Variants in MAGI2 observed in about 807,000 individuals in gnomAD.
The protein encoded by MAGI2 is membrane-associated guanylate kinase, WW and PDZ domain-containing protein 2.
Under a neutral mutation model 133.3 loss-of-function variants are expected in MAGI2, and 35 were observed. The ratio of observed to expected loss-of-function variants is 0.26; its 90% CI spans 0.20 to 0.35. The LOEUF (loss-of-function observed/expected upper bound fraction) is 0.35, where lower values mean the gene tolerates loss of function less well. Ranked by LOEUF, MAGI2 falls within the 10% of genes least tolerant of loss-of-function variation. The probability of loss-of-function intolerance (pLI) is 1.00; values close to 1 mark genes in which losing one functional copy is unlikely to be tolerated. For missense variants in MAGI2, 1,636 were observed against 1,863.4 expected, an observed-to-expected ratio of 0.88 and a Z score of 2.25; for synonymous variants, 729 against 710.6, an observed-to-expected ratio of 1.03 and a Z score of -0.41.
At chr7:78,662,409 G>T (rs953600623) in intron 2 of MAGI2, among the ~76,000 whole-genome samples, 5 of 151,998 alleles carry the variant, frequency 3.3e-5, no homozygotes, top group African/African-American at 1.2e-4. Flanking sequence ...ACCAACAATC[G>T]AAACACTAGC....
At chr7:79,146,533 A>C (rs1190420915) in intron 1 of MAGI2, among the ~76,000 whole-genome samples, 1 of 152,196 alleles carries the variant, frequency 6.6e-6, no homozygotes, top group African/African-American at 2.4e-5. Flanking sequence ...CCTACTTGTC[A>C]AGGGTGGAGC....
At chr7:78,511,585 T>G (rs1398858991) in intron 4 of MAGI2, among the ~76,000 whole-genome samples, 1 of 141,300 alleles carries the variant, frequency 7.1e-6, no homozygotes, top group East Asian at 2.0e-4. Context: ...CAGTGAAACA[T>G]GCACATGGTA....
intron 2 of MAGI2, among the ~76,000 whole-genome samples, chr7:78,944,977 G>A (rs1011077364): frequency 1.3e-5 from 2 of 151,506 alleles, no homozygotes; most frequent in African/African-American, 2.4e-5. Context: ...GGGCTCAGGC[G>A]ATCTGTCCGT....
chr7:78,157,757 T>C (rs1824541791), intron 16 of MAGI2, among the ~76,000 whole-genome samples: 1 of 152,234 alleles, frequency 6.6e-6, no homozygotes, highest in Admixed American at 6.5e-5. Flanking sequence ...GCTGTTTATA[T>C]AATTCATGAA....
chr7:79,386,642 C>T (rs1390290920), intron 1 of MAGI2, among the ~76,000 whole-genome samples: 2 of 152,044 alleles, frequency 1.3e-5, no homozygotes, highest in Admixed American at 6.6e-5. Flanking sequence ...CATTAATCTC[C>T]TCTCATGCTT....
intron 1 of MAGI2, among the ~76,000 whole-genome samples, chr7:79,366,766 C>T (rs1842731353): frequency 6.6e-6 from 1 of 152,020 alleles, no homozygotes; most frequent in Non-Finnish European, 1.5e-5. Flanking sequence ...CTATTAAATT[C>T]CAGATTCACT....
intron 2 of MAGI2, among the ~76,000 whole-genome samples, chr7:78,716,380 A>C (rs1819704006): frequency 6.6e-6 from 1 of 152,206 alleles, no homozygotes; most frequent in African/African-American, 2.4e-5. Flanking sequence ...TTGATAAGGC[A>C]CTTATGGTAG....
chr7:78,482,172 A>G (rs912569353), intron 6 of MAGI2, among the ~76,000 whole-genome samples: 1 of 151,986 alleles, frequency 6.6e-6, no homozygotes, highest in Non-Finnish European at 1.5e-5. Flanking sequence ...GCAATTAGGG[A>G]AATGCAAATT....
intron 12 of MAGI2, among the ~76,000 whole-genome samples, chr7:78,192,913 G>A (rs1233108089): frequency 2.0e-5 from 3 of 152,086 alleles, no homozygotes; most frequent in Non-Finnish European, 4.4e-5. Context: ...TGGGGAGTCA[G>A]GATGTTTGCT....
At chr7:79,397,320 T>G (rs991261) in intron 1 of MAGI2, among the ~76,000 whole-genome samples, 23,901 of 151,692 alleles carry the variant, frequency 0.16, 2,138 homozygotes, top group African/African-American at 0.23. Flanking sequence ...CAACACTTTT[T>G]CATGTCATTA....
intron 14 of MAGI2, among the ~76,000 whole-genome samples, chr7:78,172,831 G>T (rs780770490): frequency 6.6e-6 from 1 of 152,172 alleles, no homozygotes; most frequent in Non-Finnish European, 1.5e-5. Flanking sequence ...TCTGGACTTA[G>T]AATGTGGAAA....
At chr7:78,466,248 TTCCAC>T (rs1296108263) in intron 6 of MAGI2, among the ~76,000 whole-genome samples, 2 of 152,214 alleles carry the variant, frequency 1.3e-5, no homozygotes, top group Non-Finnish European at 2.9e-5. Flanking sequence ...TGTGCTCCCT[TTCCAC>T]TCAGCCTAAC....
chr7:79,216,003 C>G (rs951690876), intron 1 of MAGI2, among the ~76,000 whole-genome samples: 1 of 151,812 alleles, frequency 6.6e-6, no homozygotes. Context: ...AGCCTGGAAA[C>G]CCGCAGCGCT....
intron 1 of MAGI2, among the ~76,000 whole-genome samples, chr7:79,102,739 TA>T (rs1315683358): frequency 6.6e-6 from 1 of 152,220 alleles, no homozygotes; most frequent in East Asian, 1.9e-4. Flanking sequence ...TTGATTTAAT[TA>T]CTTTAGAAAG....
chr7:78,981,622 C>A (rs1804792789), intron 2 of MAGI2, among the ~76,000 whole-genome samples: 1 of 151,708 alleles, frequency 6.6e-6, no homozygotes. Context: ...TTGCATCCGA[C>A]TTTTTCAGAG....
At chr7:78,850,879 G>A in intron 2 of MAGI2, among the ~76,000 whole-genome samples, 1 of 152,042 alleles carries the variant, frequency 6.6e-6, no homozygotes, top group East Asian at 1.9e-4. Context: ...CAAAGATACT[G>A]AATAGGTAGA....
rs186255303 is a variant in MAGI2 at position 78,109,751 on chromosome 7, A to T, written c.3567+15943T>A. Among the ~76,000 whole-genome samples the T allele has an allele frequency of 1.7e-3, 265 of 152,332 alleles. 1 individual carries two copies. The highest frequency in any genetic ancestry group is 3.3e-3 in the Non-Finnish European group (222 of 68,028). ...TTAATTACACCTGTGATTTAGAAATACAATTTTGGTAGTTGTAGGAAGCAT... is the reference window on the plus strand; with the variant it reads ...TTAATTACACCTGTGATTTAGAAATTCAATTTTGGTAGTTGTAGGAAGCAT... On this transcript the variant is annotated intron_variant, in intron 20 of 21. Coordinates refer to ENST00000354212, the MANE Select transcript of MAGI2 (RefSeq NM_012301.4).
chr7:78,329,191 C>T (rs1788913258), intron 9 of MAGI2, among the ~76,000 whole-genome samples: 1 of 152,176 alleles, frequency 6.6e-6, no homozygotes, highest in Admixed American at 6.5e-5. Context: ...ACATTGGATA[C>T]AGGGATAATG....
intron 15 of MAGI2, among the ~76,000 whole-genome samples, chr7:78,163,431 G>T (rs1825293467): frequency 6.6e-6 from 1 of 152,086 alleles, no homozygotes; most frequent in African/African-American, 2.4e-5. Context: ...GAGCCACCGT[G>T]CCTGGCCTAA....
Sources: gnomAD v4.1 joint callset for allele counts (sites outside exome capture counted in the v4.1 genomes callset) on GRCh38, gnomAD v4.1.1 for gene constraint, MANE v1.5 for transcripts, NCBI Gene and HGNC (gene_info 2026-07-23, HGNC 2026-07-21) for gene names.